Variants in SWT1 observed in about 807,000 individuals in gnomAD.
SWT1 encodes SWT1 RNA endoribonuclease homolog.
A neutral mutation model predicts 107.3 loss-of-function variants in SWT1; 33 were observed. That is an observed-to-expected ratio of 0.31 (90% CI 0.23 to 0.41). The LOEUF (loss-of-function observed/expected upper bound fraction) is 0.41. Ranked by LOEUF, SWT1 falls within the 10% of genes least tolerant of loss-of-function variation. The pLI is 1.00. For synonymous variants in SWT1, 345 were observed against 348.3 expected (o/e 0.99, Z 0.11); for missense variants, 898 against 1,028.9 (o/e 0.87, Z 1.74).
intron 16 of SWT1, among the ~76,000 whole-genome samples, chr1:185,243,427 AT>A (rs1181313907): frequency 5.9e-5 from 9 of 152,102 alleles, no homozygotes; most frequent in African/African-American, 2.2e-4. Flanking sequence ...AATTTTATCT[AT>A]TTTGAGAAAT....
intron 18 of SWT1, among the ~76,000 whole-genome samples, chr1:185,279,117 A>G (rs1664447034): frequency 6.6e-6 from 1 of 152,360 alleles, no homozygotes; most frequent in African/African-American, 2.4e-5. Context: ...TTCTTGCCCT[A>G]ATCTTCAGAT....
At chr1:185,237,748 A>G (rs546073895) in intron 16 of SWT1, among the ~76,000 whole-genome samples, 5 of 152,250 alleles carry the variant, frequency 3.3e-5, no homozygotes, top group South Asian at 2.1e-4. Context: ...CCTTAATCCT[A>G]TTAAATCTGA....
At chr1:185,212,810 A>AAG (rs893160771) in intron 13 of SWT1, among the ~76,000 whole-genome samples, 5 of 151,892 alleles carry the variant, frequency 3.3e-5, no homozygotes, top group African/African-American at 1.2e-4. Context: ...TCTCAAAAAA[A>AAG]AAAAAAAACT....
chr1:185,257,997 C>G (rs1662738508), intron 16 of SWT1: 1 of 151,900 alleles, frequency 6.6e-6, no homozygotes, highest in African/African-American at 2.4e-5. Context: ...TTGTAAATGC[C>G]ACTACACTTG....
At chr1:185,261,579 T>G (rs1451002271) in intron 16 of SWT1, among the ~76,000 whole-genome samples, 1 of 152,136 alleles carries the variant, frequency 6.6e-6, no homozygotes, top group Admixed American at 6.5e-5. Flanking sequence ...ACCATACTGT[T>G]TTTCATCACA....
intron 15 of SWT1, among the ~76,000 whole-genome samples, chr1:185,228,037 G>A (rs2102554523): frequency 6.6e-6 from 1 of 151,898 alleles, no homozygotes; most frequent in African/African-American, 2.4e-5. Context: ...GCTGCAGTGA[G>A]CTGTAATTAT....
chr1:185,174,434 C>CTAT lies in SWT1; in HGVS notation c.290_292dup (p.Ile97dup), dbSNP rs747715489. On this transcript the variant is annotated inframe_insertion, in exon 5 of 19. Coordinates refer to ENST00000367500, the MANE Select transcript of SWT1 (RefSeq NM_017673.7). ...AAAATCGGTTCTTCATCCCAAAGAC[C>CTAT]TATTAAACTCAAAGAAGCATCATAT... 3.7e-6 allele frequency: 6 copies of CTAT among 1,601,588 alleles called. 1 individual carries two copies. The South Asian group carries it at 6.8e-5, about 18-fold the overall frequency.
chr1:185,284,381 T>C (rs180826851), intron 18 of SWT1, among the ~76,000 whole-genome samples: 10 of 152,368 alleles, frequency 6.6e-5, no homozygotes, highest in African/African-American at 2.2e-4. Context: ...TTGAGCCCAC[T>C]ATAGACAATT....
chr1:185,212,823 T>C (rs550151284), intron 13 of SWT1, among the ~76,000 whole-genome samples: 111 of 151,056 alleles, frequency 7.3e-4, no homozygotes, highest in Non-Finnish European at 1.4e-3. Context: ...AAAAAACTTC[T>C]TGCTGTAAGA....
Position 185,291,634 on chromosome 1 carries a change from GTATTC to G in SWT1, c.*836_*840del. ...AACACATTAGATTAAATAGAATTTG[GTATTC>G]TATTATAAATGTTTATTTTTTAAAG... On this transcript the variant is annotated 3_prime_UTR_variant, in exon 19 of 19. Coordinates refer to ENST00000367500, the MANE Select transcript of SWT1 (RefSeq NM_017673.7). The G allele has an allele frequency of 6.6e-6, 1 of 152,452 alleles. No homozygotes were observed. The highest frequency in any genetic ancestry group is 2.1e-4 in the South Asian group (1 of 4,832). 9.4% of individuals were successfully genotyped at this position (152,452 alleles called of 1,614,324 possible).
intron 16 of SWT1, among the ~76,000 whole-genome samples, chr1:185,270,863 T>C (rs1308785339): frequency 3.3e-5 from 5 of 152,256 alleles, no homozygotes. Context: ...TTAGTCAAAA[T>C]CTTTTATTAG....
At chr1:185,202,466 T>C (rs957153923) in intron 10 of SWT1, among the ~76,000 whole-genome samples, 188 bp from the exon 11 acceptor site, 1 of 152,046 alleles carries the variant, frequency 6.6e-6, no homozygotes, top group Non-Finnish European at 1.5e-5. Context: ...TATATATATA[T>C]ATATAAAGCA....
chr1:185,228,195 A>G (rs1417397626), intron 15 of SWT1, among the ~76,000 whole-genome samples: 1 of 122,948 alleles, frequency 8.1e-6, no homozygotes, highest in Non-Finnish European at 1.7e-5. Context: ...ATATACATAT[A>G]TATATACTCA....
chr1:185,206,186 T>TG (rs1394674208), intron 12 of SWT1, among the ~76,000 whole-genome samples: 1 of 152,184 alleles, frequency 6.6e-6, no homozygotes, highest in African/African-American at 2.4e-5. Context: ...CTCGAACTCC[T>TG]GACCTTGTGA....
At chr1:185,208,833 A>C (rs1393589141) in intron 13 of SWT1, among the ~76,000 whole-genome samples, 1 of 151,562 alleles carries the variant, frequency 6.6e-6, no homozygotes, top group African/African-American at 2.4e-5. Flanking sequence ...GTGGCAAGCC[A>C]CAAGTGCACC....
chr1:185,263,748 C>A (rs886151409), intron 16 of SWT1: 2 of 152,086 alleles, frequency 1.3e-5, no homozygotes, highest in African/African-American at 4.8e-5. Context: ...ATAGATTGAC[C>A]CAAAGTCACA....
chr1:185,163,691 G>A lies in SWT1; in HGVS notation c.84+2766G>A, dbSNP rs2102301069. Among the ~76,000 whole-genome samples, 2 of 152,288 alleles carry A rather than the reference G, an allele frequency of 1.3e-5. 1 individual carries two copies. The highest frequency in any genetic ancestry group is 4.1e-4 in the South Asian group (2 of 4,834). Reference sequence around the variant, plus strand: ...TTACAGGCGTGAGCCACCGCACCCAGCCCCCATTAAAGTTTTATTATGAGA... The same window carrying A: ...TTACAGGCGTGAGCCACCGCACCCAACCCCCATTAAAGTTTTATTATGAGA... On this transcript the variant is annotated intron_variant, in intron 2 of 18. Transcript: ENST00000367500.
chr1:185,166,432 G>T lies in SWT1; in HGVS notation c.85-140G>T. ...CTCCCTTCCTTTTACCAAAGTTTGT[G>T]TATCTGTAAACATTGTTCCCCACCG... is the stretch of plus-strand genomic sequence containing the variant. On this transcript the variant is annotated intron_variant, in intron 2 of 18. Transcript: ENST00000367500. 7.3e-6 allele frequency: 4 copies of T among 546,958 alleles called. No homozygotes were observed. In the South Asian group the frequency reaches 8.7e-5, roughly 12 times the overall value. The allele number at this position is 546,958 out of a possible 1,614,324, so 33.9% of individuals were successfully genotyped here. A position where few individuals can be genotyped will look rare whatever the true frequency, so the allele number is the denominator to read the frequency against.
At position 185,182,023 on chromosome 1, in the gene SWT1, A is replaced by G. The variant is rs1393246561; in HGVS notation, c.1104A>G (p.Glu368=). 6.2e-7 allele frequency: 1 copy of G among 1,613,622 alleles called. No individual in the cohort carries two copies. ...VDLPGELMSM[E]IDLEDDVHSS... ...TACCTGGAGAGTTAATGAGTATGGAAATTGACTTAGAAGATGATGTACATT... is the reference window on the plus strand; with the variant it reads ...TACCTGGAGAGTTAATGAGTATGGAGATTGACTTAGAAGATGATGTACATT... The change falls in exon 7 of 19, where the codon GAA becomes GAG. Residue 368 remains glutamate, a synonymous_variant. Transcript: ENST00000367500.
Sources: gnomAD v4.1 joint callset for allele counts (sites outside exome capture counted in the v4.1 genomes callset) on GRCh38, gnomAD v4.1.1 for gene constraint, MANE v1.5 for transcripts, NCBI Gene and HGNC (gene_info 2026-07-23, HGNC 2026-07-21) for gene names.